Variants in CSNK1G1 observed in about 807,000 individuals in gnomAD.
The protein encoded by CSNK1G1 is casein kinase I isoform gamma-1.
CSNK1G1 carries 22 observed loss-of-function variants against 59.6 expected under a neutral mutation model. The observed-to-expected ratio is 0.37, with a 90% confidence interval of 0.26 to 0.53. CSNK1G1 has a LOEUF of 0.53. Among genes scored for constraint, CSNK1G1 ranks in the 20% least tolerant of loss-of-function variants. CSNK1G1 has a pLI of 0.89. For missense variants in CSNK1G1, 384 were observed against 519.5 expected (o/e 0.74, Z 2.54); for synonymous variants, 179 against 177.1 (o/e 1.01, Z -0.08).
At chr15:64,189,969 G>A (rs1177320111) in intron 10 of CSNK1G1, among the ~76,000 whole-genome samples, 1 of 151,964 alleles carries the variant, frequency 6.6e-6, no homozygotes, top group Non-Finnish European at 1.5e-5. Context: ...CAGGCGCGCA[G>A]CACCATGCCC....
chr15:64,204,766 T>C, intron 8 of CSNK1G1, 99 bp downstream of exon 8: 1 of 1,109,988 alleles, frequency 9.0e-7, no homozygotes, highest in South Asian at 1.3e-5. Context: ...AAAGGAAATG[T>C]TAATTACCTA....
intron 6 of CSNK1G1, among the ~76,000 whole-genome samples, chr15:64,209,125 A>G (rs1442010353): frequency 1.3e-5 from 2 of 152,128 alleles, no homozygotes; most frequent in African/African-American, 4.8e-5. Context: ...GGGCCAATCA[A>G]GCAATCAACC....
chr15:64,202,984 T>A, intron 10 of CSNK1G1, 98 bp downstream of exon 10: 1 of 866,230 alleles, frequency 1.2e-6, no homozygotes, highest in Non-Finnish European at 1.9e-6. Flanking sequence ...ATCTTTATTT[T>A]CAGTACATAC....
intron 3 of CSNK1G1, among the ~76,000 whole-genome samples, chr15:64,251,960 T>G (rs1032508221): frequency 6.6e-6 from 1 of 152,204 alleles, no homozygotes; most frequent in African/African-American, 2.4e-5. Flanking sequence ...GTTCATGGTT[T>G]TATTATTTTT....
At chr15:64,338,718 A>AC (rs1385281269) in intron 1 of CSNK1G1, among the ~76,000 whole-genome samples, 4 of 142,044 alleles carry the variant, frequency 2.8e-5, no homozygotes, top group East Asian at 2.0e-4. Context: ...AAAAAAAAAA[A>AC]AAAAAAAAAA....
intron 2 of CSNK1G1, among the ~76,000 whole-genome samples, chr15:64,263,655 T>C (rs548980677): frequency 6.6e-6 from 1 of 152,244 alleles, no homozygotes; most frequent in South Asian, 2.1e-4. Context: ...TTTTATAGCA[T>C]TAACCGGCCT....
intron 2 of CSNK1G1, among the ~76,000 whole-genome samples, chr15:64,274,414 A>G (rs944601843): frequency 3.3e-5 from 5 of 152,202 alleles, no homozygotes; most frequent in African/African-American, 1.2e-4. Flanking sequence ...CTTCAGCTAA[A>G]AAAATAAAAA....
chr15:64,301,875 A>T (rs1258077826), intron 1 of CSNK1G1, among the ~76,000 whole-genome samples: 1 of 152,076 alleles, frequency 6.6e-6, no homozygotes, highest in Non-Finnish European at 1.5e-5. Context: ...TGACAGAGTG[A>T]GACTCCGTCT....
At chr15:64,334,691 T>C (rs1897287417) in intron 1 of CSNK1G1, among the ~76,000 whole-genome samples, 1 of 152,194 alleles carries the variant, frequency 6.6e-6, no homozygotes, top group Non-Finnish European at 1.5e-5. Context: ...GAGAATCTAA[T>C]GCTGCCATTG....
At chr15:64,308,667 C>T (rs1437452295) in intron 1 of CSNK1G1, among the ~76,000 whole-genome samples, 5 of 151,978 alleles carry the variant, frequency 3.3e-5, no homozygotes, top group African/African-American at 4.8e-5. Flanking sequence ...GAGGCCGAGG[C>T]GGGTGGATCA....
At chr15:64,354,568 C>T (rs1898530884) in intron 1 of CSNK1G1, among the ~76,000 whole-genome samples, 1 of 152,012 alleles carries the variant, frequency 6.6e-6, no homozygotes, top group Admixed American at 6.6e-5. Flanking sequence ...ATGCTACCTA[C>T]GATCAATTTC....
chr15:64,241,289 A>G (rs1260585631), intron 4 of CSNK1G1, among the ~76,000 whole-genome samples: 1 of 152,198 alleles, frequency 6.6e-6, no homozygotes, highest in Non-Finnish European at 1.5e-5. Flanking sequence ...TGTTAAAGAG[A>G]ACAATCCAGC....
chr15:64,320,885 T>A (rs1414792443), intron 1 of CSNK1G1, among the ~76,000 whole-genome samples: 3 of 152,008 alleles, frequency 2.0e-5, no homozygotes, highest in Admixed American at 1.3e-4. Context: ...TAAAGTGAAA[T>A]ATGGCTTTTT....
At chr15:64,189,539 T>C in intron 10 of CSNK1G1, 3 of 1,094,244 alleles carry the variant, frequency 2.7e-6, no homozygotes, top group South Asian at 1.8e-5. Flanking sequence ...GTAAATCAAA[T>C]TTTAATTGCT....
At chr15:64,250,680 G>C (rs1596159777) in intron 4 of CSNK1G1, among the ~76,000 whole-genome samples, 1 of 152,136 alleles carries the variant, frequency 6.6e-6, no homozygotes, top group Non-Finnish European at 1.5e-5. Flanking sequence ...AGAAGGCCCA[G>C]GCTGCAGTGA....
rs552660051 is a variant in CSNK1G1 at position 64,238,747 on chromosome 15, T to C, written c.292+12765A>G. On this transcript the variant is annotated intron_variant, in intron 4 of 11. Transcript: ENST00000303052. ...ACCTCCAGAGCACCCATTTTTTCCC[T>C]GGAGTTGGGCCAGGGCTGTGCCATG... 2.6e-5 allele frequency among the ~76,000 whole-genome samples: 4 copies of C among 151,842 alleles called. No individual in the cohort carries two copies. In the East Asian group the frequency reaches 7.8e-4, roughly 29 times the overall value.
At chr15:64,246,381 G>C (rs984408793) in intron 4 of CSNK1G1, among the ~76,000 whole-genome samples, 11 of 152,054 alleles carry the variant, frequency 7.2e-5, no homozygotes, top group African/African-American at 2.7e-4. Flanking sequence ...CAGCACTTTG[G>C]GCAGCCAAGG....
intron 1 of CSNK1G1, among the ~76,000 whole-genome samples, chr15:64,303,299 T>TA (rs58473266): frequency 0.043 from 6,090 of 142,624 alleles, 143 homozygotes; most frequent in South Asian, 0.079. Flanking sequence ...AAAATTAAAT[T>TA]AAAAAAAAAA....
At chr15:64,192,521 T>C (rs2081985220) in intron 10 of CSNK1G1, among the ~76,000 whole-genome samples, 1 of 152,152 alleles carries the variant, frequency 6.6e-6, no homozygotes, top group African/African-American at 2.4e-5. Flanking sequence ...CCCCCACCTA[T>C]GCCCTATGGC....
Sources: allele counts gnomAD v4.1 joint callset (sites outside exome capture counted in the v4.1 genomes callset), GRCh38; gene constraint gnomAD v4.1.1; transcripts MANE v1.5; gene names NCBI Gene and HGNC (gene_info 2026-07-23, HGNC 2026-07-21).